The following IMMP2L variants were observed in gnomAD, a reference collection of about 807,000 sequenced individuals.
IMMP2L encodes the protein mitochondrial inner membrane protease subunit 2.
Under a neutral mutation model 19.3 loss-of-function variants are expected in IMMP2L, and 18 were observed. That is an observed-to-expected ratio of 0.93 (90% CI 0.64 to 1.38). The LOEUF (loss-of-function observed/expected upper bound fraction) is 1.38. Ranked by LOEUF, IMMP2L falls within the 40% of genes most tolerant of loss-of-function variation. IMMP2L has a pLI of 0.00. For missense variants in IMMP2L, 233 were observed against 218.2 expected (o/e 1.07, Z -0.43); for synonymous variants, 76 against 73.0 (o/e 1.04, Z -0.21).
intron 4 of IMMP2L, among the ~76,000 whole-genome samples, chr7:110,914,789 ATT>A (rs34939181): frequency 3.3e-5 from 5 of 151,972 alleles, no homozygotes; most frequent in Admixed American, 6.6e-5. Context: ...AAATATGTGC[ATT>A]TTTTTTATAA....
At chr7:110,994,985 C>A (rs1384167509) in intron 3 of IMMP2L, among the ~76,000 whole-genome samples, 1 of 152,064 alleles carries the variant, frequency 6.6e-6, no homozygotes, top group Non-Finnish European at 1.5e-5. Flanking sequence ...CCAGAAAAGG[C>A]CCACAGCTAT....
At chr7:110,934,152 A>AC (rs1215257434) in intron 4 of IMMP2L, among the ~76,000 whole-genome samples, 2 of 152,074 alleles carry the variant, frequency 1.3e-5, no homozygotes, top group Non-Finnish European at 2.9e-5. Flanking sequence ...GGTGGTTTTG[A>AC]GGGGGTTTCT....
intron 3 of IMMP2L, among the ~76,000 whole-genome samples, chr7:111,075,690 C>T (rs1013812915): frequency 1.3e-5 from 2 of 151,960 alleles, no homozygotes; most frequent in Non-Finnish European, 2.9e-5. Context: ...AATAGAGTGC[C>T]CGAGGTCAGA....
intron 3 of IMMP2L, among the ~76,000 whole-genome samples, chr7:111,465,049 C>T (rs935921899): frequency 6.6e-6 from 1 of 152,064 alleles, no homozygotes; most frequent in African/African-American, 2.4e-5. Flanking sequence ...CCCGCCTTGG[C>T]CTCCCAAAGT....
chr7:111,079,149 G>T lies in IMMP2L; in HGVS notation c.240-115584C>A, dbSNP rs1283639756. On this transcript the variant is annotated intron_variant, in intron 3 of 5. Transcript: ENST00000405709. ...TTTTTTTTTTTTGAGACGGAGTCTC[G>T]CTCTGTCGCCCAGGCTGGAGTGCAG... Among the ~76,000 whole-genome samples, 7 of 147,592 alleles carry T rather than the reference G, an allele frequency of 4.7e-5. 1 individual carries two copies. The Middle Eastern group carries it at 0.01, about 221-fold the overall frequency.
At chr7:111,141,475 T>C (rs2129598491) in intron 3 of IMMP2L, among the ~76,000 whole-genome samples, 1 of 151,896 alleles carries the variant, frequency 6.6e-6, no homozygotes, top group African/African-American at 2.4e-5. Context: ...TCCCTACAGA[T>C]AATCACTGCC....
intron 3 of IMMP2L, among the ~76,000 whole-genome samples, chr7:111,193,278 G>A (rs1450227428): frequency 6.6e-6 from 1 of 152,122 alleles, no homozygotes; most frequent in Non-Finnish European, 1.5e-5. Flanking sequence ...GGGAATAACA[G>A]AACAAGGGCG....
intron 3 of IMMP2L, among the ~76,000 whole-genome samples, chr7:111,485,597 CAAAAA>C (rs71147477): frequency 1.2e-4 from 6 of 50,596 alleles, no homozygotes; most frequent in Non-Finnish European, 2.0e-4. Flanking sequence ...GACTCTGTTT[CAAAAA>C]AAAAAAAAAA....
At chr7:111,111,193 T>C (rs1356745302) in intron 3 of IMMP2L, among the ~76,000 whole-genome samples, 2 of 152,102 alleles carry the variant, frequency 1.3e-5, no homozygotes, top group East Asian at 3.9e-4. Context: ...AGAACTCTTT[T>C]TCTCCATTAA....
At chr7:111,166,151 T>C (rs1218705657) in intron 3 of IMMP2L, among the ~76,000 whole-genome samples, 1 of 152,032 alleles carries the variant, frequency 6.6e-6, no homozygotes, top group Admixed American at 6.6e-5. Flanking sequence ...ATTATCTCCA[T>C]TTCATAGATT....
intron 4 of IMMP2L, among the ~76,000 whole-genome samples, chr7:110,956,543 T>C (rs1365887202): frequency 1.3e-5 from 2 of 151,990 alleles, no homozygotes; most frequent in Non-Finnish European, 2.9e-5. Flanking sequence ...AGGGCAACCA[T>C]TTGTTTCTGC....
chr7:110,750,390 A>G (rs1238220790), intron 5 of IMMP2L, among the ~76,000 whole-genome samples: 1 of 152,076 alleles, frequency 6.6e-6, no homozygotes, highest in Admixed American at 6.6e-5. Flanking sequence ...AAACCCCTGG[A>G]AAAACAGACA....
intron 3 of IMMP2L, among the ~76,000 whole-genome samples, chr7:111,324,707 C>T (rs1175225072): frequency 1.3e-5 from 2 of 151,686 alleles, no homozygotes; most frequent in East Asian, 1.9e-4. Flanking sequence ...TAAATTATAG[C>T]TAAAAAATAA....
intron 3 of IMMP2L, among the ~76,000 whole-genome samples, chr7:111,436,846 A>G (rs2131740217): frequency 6.6e-6 from 1 of 151,918 alleles, no homozygotes; most frequent in South Asian, 2.1e-4. Context: ...GGCCTGAGGA[A>G]GTTTCCAGTC....
At chr7:111,523,598 A>G (rs1846559312) in intron 1 of IMMP2L, among the ~76,000 whole-genome samples, 1 of 152,112 alleles carries the variant, frequency 6.6e-6, no homozygotes, top group East Asian at 1.9e-4. Flanking sequence ...TTATACTTTT[A>G]TCAACATATA....
intron 3 of IMMP2L, among the ~76,000 whole-genome samples, chr7:111,300,381 TTTAA>T (rs1340132836): frequency 1.3e-5 from 2 of 152,166 alleles, no homozygotes; most frequent in African/African-American, 2.4e-5. Flanking sequence ...AGGGTTTTTC[TTTAA>T]TTAAATTTTT....
In IMMP2L at chr7:110,902,931, CAAAAAAAA is replaced by C. The variant is rs752631512; in HGVS notation, c.306-16244_306-16237del. ...TGGGCGACAGAGCGAGACTCCGTCT[CAAAAAAAA>C]AAAAAAAAAAAAAAAAAGAGTACAG... On this transcript the variant is annotated intron_variant, in intron 4 of 5. Coordinates refer to ENST00000405709, the MANE Select transcript of IMMP2L (RefSeq NM_032549.4). Among the ~76,000 whole-genome samples, 9 of 8,594 alleles carry C rather than the reference CAAAAAAAA, an allele frequency of 1.0e-3. 2 individuals carry two copies. Among genetic ancestry groups the C allele is most frequent in the African/African-American group, 3.1e-3 (5 of 1,636 alleles). The allele number at this position is 8,594 out of a possible 152,430, so 5.6% of individuals were successfully genotyped here. A position where few individuals can be genotyped will look rare whatever the true frequency, so the allele number is the denominator to read the frequency against.
intron 2 of IMMP2L, among the ~76,000 whole-genome samples, chr7:111,499,777 A>G (rs1260275772): frequency 2.0e-5 from 3 of 152,148 alleles, no homozygotes; most frequent in Non-Finnish European, 4.4e-5. Context: ...CATGGCTCTT[A>G]GCTCTGCCCT....
chr7:111,319,786 T>C (rs1008149480), intron 3 of IMMP2L, among the ~76,000 whole-genome samples: 10 of 151,826 alleles, frequency 6.6e-5, no homozygotes, highest in African/African-American at 2.2e-4. Flanking sequence ...GACCAGAACA[T>C]TGGCTGAAAA....
Sources: gnomAD v4.1 joint callset for allele counts (sites outside exome capture counted in the v4.1 genomes callset) on GRCh38, gnomAD v4.1.1 for gene constraint, MANE v1.5 for transcripts, NCBI Gene and HGNC (gene_info 2026-07-23, HGNC 2026-07-21) for gene names.